Variants in USP32 observed in about 807,000 individuals in gnomAD.
USP32 encodes the protein ubiquitin carboxyl-terminal hydrolase 32.
In USP32, 59 loss-of-function variants were observed where a neutral mutation model predicts 204.8. The ratio of observed to expected loss-of-function variants is 0.29; its 90% CI spans 0.23 to 0.36. The LOEUF is 0.36. Ranked by LOEUF, USP32 falls within the 10% of genes least tolerant of loss-of-function variation. The pLI is 1.00. For missense variants in USP32, 1,160 were observed against 1,946.4 expected (o/e 0.60, Z 7.60); for synonymous variants, 517 against 678.4 (o/e 0.76, Z 3.70).
At chr17:60,184,828 AAC>A (rs963300674) in intron 30 of USP32, among the ~76,000 whole-genome samples, 6 of 150,182 alleles carry the variant, frequency 4.0e-5, no homozygotes, top group African/African-American at 1.3e-4. Flanking sequence ...AAAAAAAAAA[AAC>A]ATATAAATAT....
intron 29 of USP32, among the ~76,000 whole-genome samples, chr17:60,189,643 T>C (rs1362326741): frequency 6.6e-6 from 1 of 152,194 alleles, no homozygotes; most frequent in Non-Finnish European, 1.5e-5. Context: ...AATTTAAAAA[T>C]TGCTCTGGCC....
At chr17:60,266,233 C>T (rs2086588198) in intron 7 of USP32, 142 bp from the exon 8 acceptor site, 2 of 598,452 alleles carry the variant, frequency 3.3e-6, no homozygotes, top group African/African-American at 3.7e-5. Context: ...CTGTAATAAA[C>T]TATATTATGT....
intron 2 of USP32, among the ~76,000 whole-genome samples, chr17:60,317,514 TAAAA>T (rs368825449): frequency 1.8e-5 from 2 of 109,616 alleles, no homozygotes; most frequent in Non-Finnish European, 3.8e-5. Context: ...AGACCCTGTC[TAAAA>T]AAAAAAAAAA....
At chr17:60,350,806 G>A (rs755228289) in intron 1 of USP32, among the ~76,000 whole-genome samples, 1 of 151,960 alleles carries the variant, frequency 6.6e-6, no homozygotes, top group Admixed American at 6.6e-5. Flanking sequence ...TACCCTACTC[G>A]GGTGATGGGT....
intron 11 of USP32, among the ~76,000 whole-genome samples, chr17:60,239,484 C>T (rs978252093): frequency 2.6e-5 from 4 of 152,058 alleles, no homozygotes; most frequent in Admixed American, 1.3e-4. Flanking sequence ...GGGTTTCTTA[C>T]GTTCTGTTCA....
intron 7 of USP32, 52 bp from the exon 8 acceptor site, chr17:60,266,143 T>A: frequency 7.1e-7 from 1 of 1,415,060 alleles, no homozygotes; most frequent in Non-Finnish European, 9.9e-7. Flanking sequence ...TTCTGAGGTA[T>A]AATATATTTT....
At chr17:60,401,691 G>A (rs2089936375) in intron 1 of USP32, among the ~76,000 whole-genome samples, 1 of 150,372 alleles carries the variant, frequency 6.7e-6, no homozygotes, top group Admixed American at 6.6e-5. Context: ...GACCAGCCTG[G>A]CCAACATGGT....
intron 5 of USP32, among the ~76,000 whole-genome samples, chr17:60,282,847 C>G (rs147694276): frequency 2.6e-5 from 4 of 152,262 alleles, no homozygotes; most frequent in South Asian, 4.1e-4. Flanking sequence ...CTTTAAGAGG[C>G]TGAAAAATTT....
chr17:60,360,281 C>G lies in USP32; in HGVS notation c.59-14673G>C, dbSNP rs79865750. 2.1e-4 allele frequency among the ~76,000 whole-genome samples: 32 copies of G among 152,264 alleles called. No homozygotes were observed. In the East Asian group the frequency reaches 5.2e-3, roughly 25 times the overall value. On this transcript the variant is annotated intron_variant, in intron 1 of 33. Transcript: ENST00000300896. ...TTGAGGTCAGGAGTTTGACACCAGC[C>G]TGGCCACCATGGCAAAACCCCGTCT... is the stretch of plus-strand genomic sequence containing the variant.
chr17:60,276,966 T>TATATAA (rs60544670), intron 5 of USP32, among the ~76,000 whole-genome samples: 5 of 149,806 alleles, frequency 3.3e-5, no homozygotes, highest in African/African-American at 1.2e-4. Context: ...TATATATATA[T>TATATAA]AAAATTACCA....
intron 1 of USP32, among the ~76,000 whole-genome samples, chr17:60,387,555 T>C (rs981342599): frequency 6.6e-6 from 1 of 152,236 alleles, no homozygotes; most frequent in African/African-American, 2.4e-5. Context: ...GCATATATAC[T>C]ACTTTTGAAC....
intron 5 of USP32, among the ~76,000 whole-genome samples, chr17:60,285,269 T>G (rs541473023): frequency 6.6e-6 from 1 of 152,248 alleles, no homozygotes; most frequent in South Asian, 2.1e-4. Context: ...CCTCAATATT[T>G]TAAGCAAAAT....
chr17:60,411,068 C>A (rs995150506), intron 1 of USP32, among the ~76,000 whole-genome samples: 23 of 152,048 alleles, frequency 1.5e-4, no homozygotes, highest in African/African-American at 5.5e-4. Flanking sequence ...GTGGCTCACA[C>A]CTGTAATCTC....
At chr17:60,275,902 C>T (rs1227706016) in intron 5 of USP32, among the ~76,000 whole-genome samples, 1 of 147,568 alleles carries the variant, frequency 6.8e-6, no homozygotes, top group Non-Finnish European at 1.5e-5. Flanking sequence ...TAGTAGAGAC[C>T]TTGTCTCTAT....
chr17:60,343,005 T>C (rs2088696968), intron 2 of USP32, among the ~76,000 whole-genome samples: 1 of 152,156 alleles, frequency 6.6e-6, no homozygotes, highest in Admixed American at 6.6e-5. Context: ...GTCTTCTGCA[T>C]CGATCACGCT....
chr17:60,312,378 A>G (rs1240115910), intron 2 of USP32, among the ~76,000 whole-genome samples: 1 of 152,188 alleles, frequency 6.6e-6, no homozygotes, highest in Non-Finnish European at 1.5e-5. Flanking sequence ...TTCATTTTAT[A>G]TAATTCTCAT....
intron 2 of USP32, among the ~76,000 whole-genome samples, chr17:60,330,032 T>C (rs1034506174): frequency 7.2e-5 from 11 of 152,218 alleles, no homozygotes; most frequent in South Asian, 4.1e-4. Context: ...TTCTGGGTTG[T>C]AACTCCCTTT....
intron 11 of USP32, chr17:60,245,392 G>A: frequency 5.0e-6 from 2 of 402,006 alleles, no homozygotes; most frequent in Non-Finnish European, 9.6e-6. Flanking sequence ...AACACTGTGG[G>A]CAATCTCAGC....
At chr17:60,376,769 G>A (rs913788706) in intron 1 of USP32, among the ~76,000 whole-genome samples, 13 of 151,856 alleles carry the variant, frequency 8.6e-5, no homozygotes, top group Admixed American at 3.3e-4. Context: ...TGATCCGCCC[G>A]ACTCCACCTC....
Sources: allele counts gnomAD v4.1 joint callset (sites outside exome capture counted in the v4.1 genomes callset), GRCh38; gene constraint gnomAD v4.1.1; transcripts MANE v1.5; gene names NCBI Gene and HGNC (gene_info 2026-07-23, HGNC 2026-07-21).